SH3D19: variants seen among roughly 807,000 people sequenced by gnomAD.
The protein encoded by SH3D19 is SH3 domain containing 19, also known as SH3 domain-containing protein 19.
SH3D19 carries 58 observed loss-of-function variants against 112.1 expected under a neutral mutation model. The ratio of observed to expected loss-of-function variants is 0.52; its 90% CI spans 0.42 to 0.64. The LOEUF (loss-of-function observed/expected upper bound fraction) is 0.64, where lower values mean the gene tolerates loss of function less well. Ranked by LOEUF, SH3D19 falls within the 30% of genes least tolerant of loss-of-function variation. The pLI is 0.00. For synonymous variants in SH3D19, 391 were observed against 448.5 expected (o/e 0.87, Z 1.62); for missense variants, 1,090 against 1,263.4 (o/e 0.86, Z 2.08).
At chr4:151,313,651 C>T (rs924116357) in intron 1 of SH3D19, among the ~76,000 whole-genome samples, 3 of 152,144 alleles carry the variant, frequency 2.0e-5, no homozygotes, top group Admixed American at 6.6e-5. Flanking sequence ...TTAAAACCTA[C>T]AATAACATTC....
At chr4:151,295,061 G>C (rs1775608009) in intron 1 of SH3D19, among the ~76,000 whole-genome samples, 2 of 152,248 alleles carry the variant, frequency 1.3e-5, no homozygotes, top group South Asian at 4.1e-4. Context: ...GTGAGCAAAG[G>C]TGGAAAGGTG....
chr4:151,199,429 T>C (rs1299157386), intron 2 of SH3D19, among the ~76,000 whole-genome samples: 1 of 152,078 alleles, frequency 6.6e-6, no homozygotes, highest in African/African-American at 2.4e-5. Context: ...TAGTAGAAAA[T>C]GGCAGGTATG....
chr4:151,260,229 C>T (rs1772267783), intron 1 of SH3D19, among the ~76,000 whole-genome samples: 1 of 152,184 alleles, frequency 6.6e-6, no homozygotes, highest in Non-Finnish European at 1.5e-5. Context: ...ATTATCCACC[C>T]TCTTCCATTT....
intron 1 of SH3D19, among the ~76,000 whole-genome samples, chr4:151,251,658 T>C (rs1432383658): frequency 2.0e-5 from 3 of 152,168 alleles, no homozygotes; most frequent in Non-Finnish European, 2.9e-5. Context: ...TGATTTCTCA[T>C]TATAATCACT....
chr4:151,260,837 G>A (rs1772323478), intron 1 of SH3D19, among the ~76,000 whole-genome samples: 1 of 152,144 alleles, frequency 6.6e-6, no homozygotes, highest in South Asian at 2.1e-4. Context: ...TGTCTGGAAT[G>A]CTTTTATCGA....
At chr4:151,192,189 G>A (rs1433336451) in intron 2 of SH3D19, among the ~76,000 whole-genome samples, 1 of 152,112 alleles carries the variant, frequency 6.6e-6, no homozygotes, top group East Asian at 1.9e-4. Flanking sequence ...CGCCTGCCTC[G>A]GCCTCGCAAA....
intron 2 of SH3D19, among the ~76,000 whole-genome samples, chr4:151,195,111 C>CTA (rs1763225262): frequency 1.3e-5 from 2 of 149,922 alleles, no homozygotes; most frequent in African/African-American, 4.9e-5. Context: ...TGGCTCATGC[C>CTA]TATATTCCCA....
intron 1 of SH3D19, among the ~76,000 whole-genome samples, chr4:151,247,055 G>T (rs922083100): frequency 6.6e-6 from 1 of 152,038 alleles, no homozygotes; most frequent in East Asian, 1.9e-4. Context: ...ACACCATATT[G>T]CTGTTTTGTG....
chr4:151,263,428 G>A (rs1036826344), intron 1 of SH3D19, among the ~76,000 whole-genome samples: 1 of 152,180 alleles, frequency 6.6e-6, no homozygotes, highest in African/African-American at 2.4e-5. Context: ...CAGATAAAAC[G>A]GGCCAGGCCG....
At chr4:151,267,175 AAT>A (rs1772858232) in intron 1 of SH3D19, among the ~76,000 whole-genome samples, 1 of 147,992 alleles carries the variant, frequency 6.8e-6, no homozygotes, top group Non-Finnish European at 1.5e-5. Flanking sequence ...AAAAAAAATA[AAT>A]AAAATAAATT....
chr4:151,249,806 T>A (rs1157544221), intron 1 of SH3D19, among the ~76,000 whole-genome samples: 1 of 152,228 alleles, frequency 6.6e-6, no homozygotes. Context: ...TAAGGCCAGA[T>A]CTATTCAAGT....
intron 8 of SH3D19, among the ~76,000 whole-genome samples, chr4:151,160,289 G>C (rs1235491784): frequency 2.0e-5 from 3 of 151,880 alleles, no homozygotes; most frequent in Non-Finnish European, 4.4e-5. Flanking sequence ...GGGTTTCACC[G>C]TGTTAGCCAG....
At chr4:151,195,392 A>AG (rs1763301154) in intron 2 of SH3D19, among the ~76,000 whole-genome samples, 4 of 139,842 alleles carry the variant, frequency 2.9e-5, no homozygotes, top group African/African-American at 1.3e-4. Context: ...AAAAAAAAAA[A>AG]AAAAAGAAAA....
chr4:151,251,892 C>G (rs910034699), intron 1 of SH3D19, among the ~76,000 whole-genome samples: 1 of 152,210 alleles, frequency 6.6e-6, no homozygotes, highest in Non-Finnish European at 1.5e-5. Context: ...TAGCACACTT[C>G]TCCATAAGTC....
At chr4:151,211,576 T>TC (rs1253452365) in intron 2 of SH3D19, among the ~76,000 whole-genome samples, 1 of 72,958 alleles carries the variant, frequency 1.4e-5, no homozygotes, top group Non-Finnish European at 4.9e-5. Context: ...AATCTGTTAA[T>TC]TAAAAAAAAA....
chr4:151,320,383 G>C (rs890197426), intron 1 of SH3D19, among the ~76,000 whole-genome samples: 12 of 152,160 alleles, frequency 7.9e-5, no homozygotes, highest in African/African-American at 2.7e-4. Flanking sequence ...TCTGATGAAA[G>C]CTATGGCATT....
At chr4:151,126,738 CA>C (rs1207205329) in intron 19 of SH3D19, among the ~76,000 whole-genome samples, 1 of 144,084 alleles carries the variant, frequency 6.9e-6, no homozygotes, top group Non-Finnish European at 1.5e-5. Flanking sequence ...GTGGAGCTTG[CA>C]GTGAGCCGAG....
At position 151,318,141 on chromosome 4, in the gene SH3D19, CA is replaced by C. The variant is rs201771347; in HGVS notation, c.112+7099del. ...TGAAACCCTGTCTCTAATAAAAATA[CA>C]AAAAAAAAATTAGCCGGGCATGGTG... On this transcript the variant is annotated intron_variant, in intron 1 of 19. Transcript: ENST00000604030. Among the ~76,000 whole-genome samples, 314 of 144,834 alleles carry C rather than the reference CA, an allele frequency of 2.2e-3. 1 individual carries two copies. The highest frequency in any genetic ancestry group is 2.8e-3 in the Non-Finnish European group (185 of 65,762).
At chr4:151,323,094 A>G (rs896212196) in intron 1 of SH3D19, among the ~76,000 whole-genome samples, 4 of 152,206 alleles carry the variant, frequency 2.6e-5, no homozygotes, top group African/African-American at 9.6e-5. Context: ...ATAATTTACA[A>G]ATTTCATATG....
Sources: gnomAD v4.1 joint callset for allele counts (sites outside exome capture counted in the v4.1 genomes callset) on GRCh38, gnomAD v4.1.1 for gene constraint, MANE v1.5 for transcripts, NCBI Gene and HGNC (gene_info 2026-07-23, HGNC 2026-07-21) for gene names.